LRP1B: variants seen among roughly 807,000 people sequenced by gnomAD.
The protein encoded by LRP1B is low-density lipoprotein receptor-related protein 1B.
In LRP1B, 217 loss-of-function variants were observed where a neutral mutation model predicts 556.6. The ratio of observed to expected loss-of-function variants is 0.39; its 90% CI spans 0.35 to 0.44. The LOEUF is 0.44. Among genes scored for constraint, LRP1B ranks in the 20% least tolerant of loss-of-function variants. The pLI is 1.00. For missense variants in LRP1B, 5,053 were observed against 5,620.8 expected (o/e 0.90, Z 3.23); for synonymous variants, 2,047 against 1,865.8 (o/e 1.10, Z -2.50).
chr2:141,813,160 A>G (rs1696414002), intron 1 of LRP1B, among the ~76,000 whole-genome samples: 1 of 152,214 alleles, frequency 6.6e-6, no homozygotes, highest in South Asian at 2.1e-4. Flanking sequence ...GATAATGAAA[A>G]TAAATAAATA....
intron 2 of LRP1B, among the ~76,000 whole-genome samples, chr2:141,481,351 T>C (rs1682911727): frequency 6.6e-6 from 1 of 152,104 alleles, no homozygotes; most frequent in Non-Finnish European, 1.5e-5. Flanking sequence ...TATAAGCACT[T>C]TCCAAATCCC....
chr2:140,949,957 A>G (rs1573912912), intron 20 of LRP1B, among the ~76,000 whole-genome samples: 2 of 86,952 alleles, frequency 2.3e-5, no homozygotes, highest in East Asian at 4.2e-4. Flanking sequence ...AAAAAAAAAA[A>G]AAAAAAAGAA....
At position 140,694,022 on chromosome 2, in the gene LRP1B, G is replaced by A. The variant is rs114599390; in HGVS notation, c.6799+6228C>T. Among the ~76,000 whole-genome samples the A allele has an allele frequency of 7.1e-3, 1,082 of 152,150 alleles. 12 individuals are homozygous for A. The highest frequency in any genetic ancestry group is 0.024 in the African/African-American group (1,016 of 41,528). ...CGCTCCAGGCCTAATCACATTTCTC[G>A]ATTAGTCATTGGATGTAGGGACACC... On this transcript the variant is annotated intron_variant, in intron 41 of 90. Transcript: ENST00000389484.
Position 141,281,922 on chromosome 2 carries a change from A to G in LRP1B, c.344-27281T>C, listed in dbSNP as rs1685523608. On this transcript the variant is annotated intron_variant, in intron 3 of 90. Coordinates refer to ENST00000389484, the MANE Select transcript of LRP1B (RefSeq NM_018557.3). Reference sequence around the variant, plus strand: ...ACCGTAAAGTGATCATAAGAACATTAACTTTACAAATCTTCTGGGAAGAAA... The same window carrying G: ...ACCGTAAAGTGATCATAAGAACATTGACTTTACAAATCTTCTGGGAAGAAA... Among the ~76,000 whole-genome samples the G allele has an allele frequency of 3.3e-5, 5 of 152,260 alleles. No individual in the cohort carries two copies. The South Asian group carries it at 1.0e-3, about 32-fold the overall frequency.
chr2:142,044,862 T>C (rs1704198471), intron 1 of LRP1B, among the ~76,000 whole-genome samples: 1 of 151,712 alleles, frequency 6.6e-6, no homozygotes, highest in African/African-American at 2.4e-5. Context: ...TTTACTTCTT[T>C]CTTGGGCATA....
intron 6 of LRP1B, among the ~76,000 whole-genome samples, chr2:141,219,371 T>C (rs779620866): frequency 2.6e-5 from 4 of 152,192 alleles, no homozygotes; most frequent in Admixed American, 6.5e-5. Flanking sequence ...ACCAGATCCA[T>C]CCTTTCTCAT....
At chr2:141,500,174 TA>T (rs1490645230) in intron 2 of LRP1B, among the ~76,000 whole-genome samples, 1 of 152,114 alleles carries the variant, frequency 6.6e-6, no homozygotes, top group Admixed American at 6.6e-5. Context: ...CAAATGTTAG[TA>T]AAATAACCCT....
At chr2:140,579,516 T>G (rs999195608) in intron 43 of LRP1B, among the ~76,000 whole-genome samples, 1 of 152,162 alleles carries the variant, frequency 6.6e-6, no homozygotes, top group African/African-American at 2.4e-5. Flanking sequence ...CTGGGCTTTA[T>G]CTTGCCCTTG....
At chr2:140,813,596 T>A (rs1342112962) in intron 32 of LRP1B, 61 bp downstream of exon 32, 1 of 1,477,952 alleles carries the variant, frequency 6.8e-7, no homozygotes, top group Non-Finnish European at 9.4e-7. Context: ...TTTTAACAGG[T>A]CATAATAAAT....
At chr2:140,905,998 G>A (rs2105228480) in intron 22 of LRP1B, among the ~76,000 whole-genome samples, 1 of 151,946 alleles carries the variant, frequency 6.6e-6, no homozygotes, top group South Asian at 2.1e-4. Context: ...CACATTCTTG[G>A]GTTCTCCTTT....
intron 2 of LRP1B, among the ~76,000 whole-genome samples, chr2:141,572,003 C>T (rs1423637427): frequency 1.3e-5 from 2 of 152,130 alleles, no homozygotes; most frequent in Non-Finnish European, 2.9e-5. Flanking sequence ...CTGGAAAACA[C>T]ATGTCAGGAT....
At position 140,352,482 on chromosome 2, in the gene LRP1B, A is replaced by C. The variant is rs143280326; in HGVS notation, c.11650+471T>G. Among the ~76,000 whole-genome samples the C allele has an allele frequency of 1.5e-3, 225 of 152,174 alleles. 1 individual carries two copies. Among genetic ancestry groups the C allele is most frequent in the African/African-American group, 4.8e-3 (201 of 41,556 alleles). ...AGCCACTGCACCAGGCCTATCATTT[A>C]ATCTTTTTAAAAAATAATATTGGTA... On this transcript the variant is annotated intron_variant, in intron 76 of 90. Transcript: ENST00000389484.
chr2:140,587,390 C>T (rs935779455), intron 43 of LRP1B, among the ~76,000 whole-genome samples: 6 of 152,286 alleles, frequency 3.9e-5, no homozygotes, highest in Admixed American at 1.3e-4. Context: ...AAACCCAAGA[C>T]GCATCATAAT....
At chr2:141,147,944 G>A (rs1230508188) in intron 7 of LRP1B, among the ~76,000 whole-genome samples, 2 of 152,112 alleles carry the variant, frequency 1.3e-5, no homozygotes, top group African/African-American at 4.8e-5. Context: ...GTAACATGCT[G>A]TGCAAGTTTA....
intron 1 of LRP1B, among the ~76,000 whole-genome samples, chr2:141,957,089 GA>G (rs1406659802): frequency 1.3e-5 from 2 of 151,944 alleles, no homozygotes; most frequent in East Asian, 3.9e-4. Context: ...TACATAAAGG[GA>G]ATGTTATTTT....
intron 3 of LRP1B, among the ~76,000 whole-genome samples, chr2:141,268,415 G>C (rs1170228928): frequency 1.3e-5 from 2 of 152,114 alleles, no homozygotes; most frequent in Non-Finnish European, 2.9e-5. Context: ...AGAGGTTGAA[G>C]ATAATGAGAG....
At chr2:141,834,284 T>C (rs540927079) in intron 1 of LRP1B, among the ~76,000 whole-genome samples, 122 of 151,970 alleles carry the variant, frequency 8.0e-4, no homozygotes, top group Admixed American at 2.8e-3. Flanking sequence ...CGGAGAATGA[T>C]GCAGAAATAG....
intron 1 of LRP1B, among the ~76,000 whole-genome samples, chr2:142,073,176 T>C (rs1484258464): frequency 6.6e-6 from 1 of 152,160 alleles, no homozygotes; most frequent in East Asian, 1.9e-4. Context: ...ACTATATTTC[T>C]ATATATAAAG....
chr2:140,320,202 CTG>C (rs34855075), intron 82 of LRP1B, among the ~76,000 whole-genome samples: 11,231 of 152,182 alleles, frequency 0.074, 458 homozygotes, highest in Middle Eastern at 0.13. Context: ...AGTTTTAACT[CTG>C]TCTCTTCTGT....
Sources: allele counts gnomAD v4.1 joint callset (sites outside exome capture counted in the v4.1 genomes callset), GRCh38; gene constraint gnomAD v4.1.1; transcripts MANE v1.5; gene names NCBI Gene and HGNC (gene_info 2026-07-23, HGNC 2026-07-21).